Variants in SGCZ observed in about 807,000 individuals in gnomAD.
The protein encoded by SGCZ is zeta-sarcoglycan.
SGCZ carries 40 observed loss-of-function variants against 41.3 expected under a neutral mutation model. The observed-to-expected ratio is 0.97, with a 90% CI of 0.75 to 1.26. The LOEUF (loss-of-function observed/expected upper bound fraction) is 1.26. SGCZ is among the 50% of genes most tolerant of loss of function. The pLI, the probability that SGCZ is intolerant of heterozygous loss-of-function variation, is 0.00. For missense variants in SGCZ, 552 were observed against 369.8 expected (o/e 1.49, Z -4.04); for synonymous variants, 206 against 137.5 (o/e 1.50, Z -3.49).
intron 1 of SGCZ, among the ~76,000 whole-genome samples, chr8:15,125,089 T>C (rs1807631566): frequency 6.6e-6 from 1 of 152,216 alleles, no homozygotes; most frequent in African/African-American, 2.4e-5. Context: ...TTATGGATAC[T>C]GACCCTTGTT....
At chr8:14,150,191 A>G (rs942283397) in intron 5 of SGCZ, among the ~76,000 whole-genome samples, 11 of 152,172 alleles carry the variant, frequency 7.2e-5, no homozygotes, top group African/African-American at 2.4e-4. Flanking sequence ...AAATCAAGTT[A>G]AAAAGCTTTT....
At chr8:14,265,925 C>A (rs956811347) in intron 3 of SGCZ, among the ~76,000 whole-genome samples, 1 of 151,384 alleles carries the variant, frequency 6.6e-6, no homozygotes, top group Non-Finnish European at 1.5e-5. Context: ...TTTGAAAACA[C>A]ACAGTCAGAA....
At chr8:15,160,850 C>G (rs1799490847) in intron 1 of SGCZ, among the ~76,000 whole-genome samples, 1 of 152,204 alleles carries the variant, frequency 6.6e-6, no homozygotes, top group African/African-American at 2.4e-5. Context: ...TGTCTATTCT[C>G]AACATAGCAT....
At chr8:14,986,094 T>C (rs1473120536) in intron 1 of SGCZ, among the ~76,000 whole-genome samples, 1 of 152,136 alleles carries the variant, frequency 6.6e-6, no homozygotes, top group Non-Finnish European at 1.5e-5. Context: ...TATATACATG[T>C]ATGGCACATT....
chr8:14,334,548 A>G (rs1802445231), intron 2 of SGCZ, among the ~76,000 whole-genome samples: 1 of 152,056 alleles, frequency 6.6e-6, no homozygotes, highest in Non-Finnish European at 1.5e-5. Context: ...AGTCTTCATT[A>G]TTAGTTTAAC....
chr8:14,925,735 G>T (rs192612760), intron 1 of SGCZ, among the ~76,000 whole-genome samples: 1 of 152,124 alleles, frequency 6.6e-6, no homozygotes, highest in African/African-American at 2.4e-5. Context: ...GTTTGATCTG[G>T]CTTCACTTTT....
At chr8:14,808,749 T>G (rs1801637505) in intron 1 of SGCZ, among the ~76,000 whole-genome samples, 2 of 152,042 alleles carry the variant, frequency 1.3e-5, no homozygotes, top group African/African-American at 4.8e-5. Flanking sequence ...CAAAGAACTA[T>G]AAATCATGCT....
At chr8:15,132,632 C>T (rs2116976842) in intron 1 of SGCZ, among the ~76,000 whole-genome samples, 1 of 152,166 alleles carries the variant, frequency 6.6e-6, no homozygotes, top group South Asian at 2.1e-4. Flanking sequence ...TGACTTTCTC[C>T]ATAGACTCTA....
intron 1 of SGCZ, among the ~76,000 whole-genome samples, chr8:15,063,547 G>T (rs369058253): frequency 1.3e-5 from 2 of 152,218 alleles, no homozygotes; most frequent in South Asian, 2.1e-4. Flanking sequence ...GACCACCAAT[G>T]ATTTTTAAAA....
intron 1 of SGCZ, among the ~76,000 whole-genome samples, chr8:14,859,728 TA>T (rs1468188940): frequency 6.6e-6 from 1 of 152,180 alleles, no homozygotes; most frequent in Non-Finnish European, 1.5e-5. Context: ...AATGATTTTA[TA>T]AATTCATGAA....
intron 1 of SGCZ, among the ~76,000 whole-genome samples, chr8:15,049,932 C>A (rs1446511262): frequency 6.6e-6 from 1 of 152,104 alleles, no homozygotes; most frequent in Non-Finnish European, 1.5e-5. Flanking sequence ...TGTGAGTCCT[C>A]CACAGCCATC....
chr8:14,577,281 C>G (rs2117246777), intron 1 of SGCZ, among the ~76,000 whole-genome samples: 1 of 151,534 alleles, frequency 6.6e-6, no homozygotes, highest in East Asian at 2.0e-4. Context: ...ACAAGTATGT[C>G]ATAAATATTT....
At chr8:15,166,844 T>A (rs948767524) in intron 1 of SGCZ, among the ~76,000 whole-genome samples, 11 of 152,208 alleles carry the variant, frequency 7.2e-5, no homozygotes, top group Admixed American at 4.6e-4. Context: ...AATACAGCCT[T>A]CTGATAACTT....
At chr8:15,205,690 G>T (rs1446213894) in intron 1 of SGCZ, among the ~76,000 whole-genome samples, 2 of 152,154 alleles carry the variant, frequency 1.3e-5, no homozygotes, top group Non-Finnish European at 2.9e-5. Flanking sequence ...CAACCATTGA[G>T]AAAAGCAGTA....
At chr8:15,040,337 C>T (rs1010922274) in intron 1 of SGCZ, among the ~76,000 whole-genome samples, 4 of 152,048 alleles carry the variant, frequency 2.6e-5, no homozygotes, top group Non-Finnish European at 5.9e-5. Flanking sequence ...ATTTCGTTGG[C>T]CGCGAGGTGG....
chr8:14,260,639 C>G (rs868701060), intron 3 of SGCZ, among the ~76,000 whole-genome samples: 2 of 151,620 alleles, frequency 1.3e-5, no homozygotes, highest in Middle Eastern at 6.8e-3. Flanking sequence ...TATAAAGACA[C>G]ATGCACACGT....
intron 1 of SGCZ, among the ~76,000 whole-genome samples, chr8:14,632,519 G>C (rs980344344): frequency 6.6e-6 from 1 of 152,088 alleles, no homozygotes; most frequent in African/African-American, 2.4e-5. Flanking sequence ...TTTTGAAGAA[G>C]TTGTGAAATG....
chr8:15,170,744 A>G lies in SGCZ; in HGVS notation c.39+66841T>C, dbSNP rs2117062128. Among the ~76,000 whole-genome samples, 4 of 152,336 alleles carry G rather than the reference A, an allele frequency of 2.6e-5. 1 individual carries two copies. The Middle Eastern group carries it at 0.014, about 522-fold the overall frequency. Reference sequence around the variant, plus strand: ...GCAGTGTTTTAGTATCTTTGTATATAGTCTTACAAGGGATCCATATTACAT... The same window carrying G: ...GCAGTGTTTTAGTATCTTTGTATATGGTCTTACAAGGGATCCATATTACAT... On this transcript the variant is annotated intron_variant, in intron 1 of 7. Transcript: ENST00000382080.
intron 1 of SGCZ, among the ~76,000 whole-genome samples, chr8:15,134,315 T>TTG (rs1473754491): frequency 1.3e-5 from 2 of 150,148 alleles, no homozygotes; most frequent in Non-Finnish European, 3.0e-5. Flanking sequence ...TTTTTTTTTT[T>TTG]TGTTTCTTTA....
Sources: gnomAD v4.1 joint callset for allele counts (sites outside exome capture counted in the v4.1 genomes callset) on GRCh38, gnomAD v4.1.1 for gene constraint, MANE v1.5 for transcripts, NCBI Gene and HGNC (gene_info 2026-07-23, HGNC 2026-07-21) for gene names.